The following SLC25A24 variants were observed in gnomAD, a reference collection of about 807,000 sequenced individuals.
SLC25A24 encodes the protein mitochondrial adenyl nucleotide antiporter SLC25A24.
In SLC25A24, 49 loss-of-function variants were observed where a neutral mutation model predicts 60.7. That is an observed-to-expected ratio of 0.81 (90% CI 0.64 to 1.02). The LOEUF (loss-of-function observed/expected upper bound fraction) is 1.02, where lower values mean the gene tolerates loss of function less well. Among genes scored for constraint, SLC25A24 ranks in the 50% least tolerant of loss-of-function variants. The pLI is 0.00. For missense variants in SLC25A24, 564 were observed against 586.3 expected (o/e 0.96, Z 0.39); for synonymous variants, 202 against 200.6 (o/e 1.01, Z -0.06).
At chr1:108,158,500 CAT>C (rs1225552210) in intron 4 of SLC25A24, among the ~76,000 whole-genome samples, 1 of 152,094 alleles carries the variant, frequency 6.6e-6, no homozygotes, top group African/African-American at 2.4e-5. Context: ...TAAAACTTCA[CAT>C]AGTGTACAAT....
At chr1:108,196,449 G>C (rs1002639963) in intron 1 of SLC25A24, among the ~76,000 whole-genome samples, 1 of 152,170 alleles carries the variant, frequency 6.6e-6, no homozygotes, top group Non-Finnish European at 1.5e-5. Context: ...GAATAAGAAA[G>C]TAAAGCTCCA....
chr1:108,174,325 T>C (rs934094140), intron 3 of SLC25A24, among the ~76,000 whole-genome samples: 1 of 152,128 alleles, frequency 6.6e-6, no homozygotes, highest in Non-Finnish European at 1.5e-5. Flanking sequence ...GGCCATGGCT[T>C]CAGAAGGTGC....
chr1:108,147,647 A>G (rs911643398), intron 7 of SLC25A24, among the ~76,000 whole-genome samples: 8 of 152,212 alleles, frequency 5.3e-5, no homozygotes, highest in African/African-American at 1.9e-4. Flanking sequence ...AGGATGTCTA[A>G]TTAGGATAAT....
Position 108,187,927 on chromosome 1 carries a change from G to GATAGATAGATATATATATATATAT in SLC25A24, c.184-1974_184-1973insATATATATATATATATCTATCTAT. Among the ~76,000 whole-genome samples the GATAGATAGATATATATATATATAT allele has an allele frequency of 2.4e-3, 228 of 95,734 alleles. 18 individuals are homozygous for GATAGATAGATATATATATATATAT. In the East Asian group the frequency reaches 0.035, roughly 15 times the overall value. 62.8% of individuals were successfully genotyped at this position (95,734 alleles called of 152,430 possible). A position where few individuals can be genotyped will look rare whatever the true frequency, so the allele number is the denominator to read the frequency against. On this transcript the variant is annotated intron_variant, in intron 1 of 9. Coordinates refer to ENST00000565488, the MANE Select transcript of SLC25A24 (RefSeq NM_013386.5). ...TACACGAAATGGATAAGACATTATA[G>GATAGATAGATATATATATATATAT]ATATATATATATATATATTCATGCA...
intron 6 of SLC25A24, among the ~76,000 whole-genome samples, chr1:108,153,491 G>A (rs558021982): frequency 1.7e-4 from 26 of 152,274 alleles, no homozygotes; most frequent in African/African-American, 5.1e-4. Flanking sequence ...TTCAGCACTC[G>A]AGGGAGGCTG....
At chr1:108,199,770 TTC>T in intron 1 of SLC25A24, 184 bp downstream of exon 1, 1 of 599,168 alleles carries the variant, frequency 1.7e-6, no homozygotes, top group South Asian at 2.0e-5. Context: ...TATGACCCAC[TTC>T]TGTTACCGGG....
intron 1 of SLC25A24, among the ~76,000 whole-genome samples, chr1:108,195,914 C>T (rs1050877131): frequency 4.6e-5 from 7 of 151,428 alleles, no homozygotes; most frequent in South Asian, 2.1e-4. Context: ...GCACAAGAAT[C>T]GCTTGAATCC....
chr1:108,143,871 G>C (rs1432144292), intron 7 of SLC25A24, among the ~76,000 whole-genome samples, 161 bp from the exon 8 acceptor site: 1 of 152,100 alleles, frequency 6.6e-6, no homozygotes, highest in African/African-American at 2.4e-5. Flanking sequence ...ACCTCTATTG[G>C]GGGGCTAAGA....
In SLC25A24 at chr1:108,157,585, A is replaced by T; in HGVS notation, c.546T>A (p.Asp182Glu). 6.2e-7 allele frequency: 1 copy of T among 1,614,136 alleles called. No homozygotes were observed. The highest frequency in any genetic ancestry group is 2.2e-5 in the East Asian group (1 of 44,882). Residue 182 changes from aspartate to glutamate, a missense_variant, in exon 5 of 10, where the codon GAT (aspartate) becomes GAA (glutamate). Asp to Glu is a conservative substitution (Grantham distance 45, BLOSUM62 2). Coordinates refer to ENST00000565488, the MANE Select transcript of SLC25A24 (RefSeq NM_013386.5). ...IDIGDSLTIP[D>E]EFTEDEKKSG... is the part of the protein sequence containing the mutation. ...ATTTTTTTTCGTCTTCCGTGAATTC[A>T]TCTGGAATAGTTAAGCTATCCCCTA...
chr1:108,181,850 G>T, intron 3 of SLC25A24, 91 bp downstream of exon 3: 2 of 855,798 alleles, frequency 2.3e-6, no homozygotes, highest in East Asian at 4.8e-5. Flanking sequence ...TGAAGACTAG[G>T]GAGGTGTTTT....
At position 108,175,147 on chromosome 1, in the gene SLC25A24, C is replaced by T. The variant is rs1647625071; in HGVS notation, c.398+6794G>A. Among the ~76,000 whole-genome samples the T allele has an allele frequency of 2.0e-5, 3 of 152,218 alleles. No homozygotes were observed. In the South Asian group the frequency reaches 6.2e-4, roughly 32 times the overall value. On this transcript the variant is annotated intron_variant, in intron 3 of 9. Transcript: ENST00000565488. ...AAAAATGATATGGTTTGGCTGTGTCCTCACCCAAATCTCATTTTGAATTAT... is the reference window on the plus strand; with the variant it reads ...AAAAATGATATGGTTTGGCTGTGTCTTCACCCAAATCTCATTTTGAATTAT...
At chr1:108,149,029 C>T (rs926630042) in intron 6 of SLC25A24, among the ~76,000 whole-genome samples, 7 of 152,168 alleles carry the variant, frequency 4.6e-5, no homozygotes, top group Non-Finnish European at 7.3e-5. Flanking sequence ...AACAGCATCC[C>T]TCCCCAGGTG....
At chr1:108,158,274 T>C (rs538124759) in intron 4 of SLC25A24, among the ~76,000 whole-genome samples, 4 of 152,284 alleles carry the variant, frequency 2.6e-5, no homozygotes, top group African/African-American at 9.6e-5. Context: ...TACATTACTA[T>C]AGTTTGAGAG....
intron 1 of SLC25A24, among the ~76,000 whole-genome samples, chr1:108,187,927 G>GATAGATAGATAGATAGAT: frequency 2.1e-5 from 2 of 95,748 alleles, no homozygotes; most frequent in African/African-American, 8.3e-5. Context: ...AGACATTATA[G>GATAGATAGATAGATAGAT]ATATATATAT....
chr1:108,175,130 T>C (rs1475259697), intron 3 of SLC25A24, among the ~76,000 whole-genome samples: 2 of 152,156 alleles, frequency 1.3e-5, no homozygotes, highest in African/African-American at 2.4e-5. Context: ...GCAAAAATGA[T>C]ATGGTTTGGC....
intron 1 of SLC25A24, 146 bp downstream of exon 1, chr1:108,199,810 T>C (rs143310576): frequency 3.0e-6 from 2 of 656,858 alleles, no homozygotes; most frequent in South Asian, 3.9e-5. Flanking sequence ...CACGCCCGAG[T>C]TTCTGAAGCC....
At position 108,134,722 on chromosome 1, in the gene SLC25A24, TAGGATAC is replaced by T. The variant is rs766995139; in HGVS notation, c.*1924_*1930del. The T allele has an allele frequency of 6.6e-6, 1 of 152,032 alleles. No homozygotes were observed. The highest frequency in any genetic ancestry group is 1.5e-5 in the Non-Finnish European group (1 of 68,012). 9.4% of individuals were successfully genotyped at this position (152,032 alleles called of 1,614,324 possible). On this transcript the variant is annotated 3_prime_UTR_variant, in exon 10 of 10. Coordinates refer to ENST00000565488, the MANE Select transcript of SLC25A24 (RefSeq NM_013386.5). Reference sequence around the variant, plus strand: ...CCAAACATCTAAGCTAGCTAAGCTGTAGGATACAATTTTTGCTTTATTTATAATTTTT... The same window carrying T: ...CCAAACATCTAAGCTAGCTAAGCTGTAATTTTTGCTTTATTTATAATTTTT...
intron 4 of SLC25A24, among the ~76,000 whole-genome samples, chr1:108,160,281 C>T (rs1184604504): frequency 5.4e-5 from 8 of 148,306 alleles, no homozygotes; most frequent in South Asian, 4.4e-4. Flanking sequence ...AGACGATGGG[C>T]GGCCGGGCAG....
chr1:108,187,262 C>T (rs766211290), intron 1 of SLC25A24, among the ~76,000 whole-genome samples: 51 of 152,024 alleles, frequency 3.4e-4, no homozygotes, highest in African/African-American at 8.4e-4. Context: ...GACTGGAAAT[C>T]GGTGACCCAT....
Sources: allele counts gnomAD v4.1 joint callset (sites outside exome capture counted in the v4.1 genomes callset), GRCh38; gene constraint gnomAD v4.1.1; transcripts MANE v1.5; gene names NCBI Gene and HGNC (gene_info 2026-07-23, HGNC 2026-07-21).